MDM1: variants seen among roughly 807,000 people sequenced by gnomAD.
The protein encoded by MDM1 is Mdm1 nuclear protein.
MDM1 carries 61 observed loss-of-function variants against 89.1 expected under a neutral mutation model. That is an observed-to-expected ratio of 0.68 (90% CI 0.56 to 0.85). The LOEUF (loss-of-function observed/expected upper bound fraction) is 0.85, where lower values mean the gene tolerates loss of function less well. Ranked by LOEUF, MDM1 falls within the 40% of genes least tolerant of loss-of-function variation. MDM1 has a pLI of 0.00. For missense variants in MDM1, 820 were observed against 846.5 expected, an observed-to-expected ratio of 0.97 and a Z score of 0.39; for synonymous variants, 290 against 294.1, an observed-to-expected ratio of 0.99 and a Z score of 0.14.
chr12:68,302,823 T>C lies in MDM1; in HGVS notation c.1799A>G (p.Lys600Arg). 6.2e-7 allele frequency: 1 copy of C among 1,613,318 alleles called. No individual in the cohort carries two copies. Among genetic ancestry groups the C allele is most frequent in the East Asian group, 2.2e-5 (1 of 44,878 alleles). Residue 600 changes from lysine to arginine, a missense_variant, in exon 13 of 15, where the codon AAA becomes AGA. By Grantham distance (26) the Lys-to-Arg change is conservative. Transcript: ENST00000682720. The stretch of plus-strand genomic sequence containing the variant: ...CCGCAAAGGCAGAGGATCAACTGTT[T>C]TTATACCAGCAGCTGGAGAAGTCAG... ...SLLTSPAAGI[K>R]TVDPLPLRED...
intron 12 of MDM1, among the ~76,000 whole-genome samples, chr12:68,305,417 C>T (rs1872741035): frequency 6.6e-6 from 1 of 151,930 alleles, no homozygotes; most frequent in South Asian, 2.1e-4. Context: ...CCAGAGCAAT[C>T]GGGCAAGAAA....
intron 13 of MDM1, among the ~76,000 whole-genome samples, chr12:68,300,039 C>T (rs895337134): frequency 3.9e-5 from 6 of 152,170 alleles, no homozygotes; most frequent in Non-Finnish European, 8.8e-5. Flanking sequence ...TCTTTAGCCT[C>T]CTTAAACAGA....
intron 12 of MDM1, among the ~76,000 whole-genome samples, chr12:68,307,856 T>C (rs1395905453): frequency 6.7e-6 from 1 of 150,140 alleles, no homozygotes; most frequent in African/African-American, 2.5e-5. Context: ...GAGAACTGCT[T>C]GAGCCTGGAA....
At chr12:68,313,824 A>G in intron 10 of MDM1, 71 bp from the exon 11 acceptor site, 2 of 1,297,514 alleles carry the variant, frequency 1.5e-6, no homozygotes, top group Non-Finnish European at 2.2e-6. Flanking sequence ...ATACTTTGCC[A>G]TCATTGTGCA....
intron 4 of MDM1, among the ~76,000 whole-genome samples, chr12:68,324,520 T>A (rs1020696617): frequency 4.6e-5 from 7 of 152,166 alleles, no homozygotes; most frequent in African/African-American, 1.7e-4. Flanking sequence ...ATTTATAGGA[T>A]CACTGGTGTT....
chr12:68,326,981 G>C lies in MDM1; in HGVS notation c.174C>G (p.Val58=). 1 of 1,605,694 alleles carries C rather than the reference G, an allele frequency of 6.2e-7. No homozygotes were observed. The highest frequency in any genetic ancestry group is 8.5e-7 in the Non-Finnish European group (1 of 1,177,434). ...KEPSFISKRR[V]PYHDPQISKS... is the part of the protein sequence containing the mutation. ...TTGAAATCTGTGGGTCATGGTAAGG[G>C]ACTCTTCTTTTTGAAATAAAACTTG... The change falls in exon 3 of 15, where the codon GTC becomes GTG. Residue 58 remains valine, a synonymous_variant. Coordinates refer to ENST00000682720, the MANE Select transcript of MDM1 (RefSeq NM_001354969.2).
At chr12:68,326,181 C>CTTAT (rs1481297876) in intron 3 of MDM1, 1 of 1,056,506 alleles carries the variant, frequency 9.5e-7, no homozygotes, top group African/African-American at 1.7e-5. Flanking sequence ...CCAGCTGTGA[C>CTTAT]ATAAGAGAGC....
chr12:68,315,975 A>T, intron 9 of MDM1, 103 bp downstream of exon 9: 1 of 896,050 alleles, frequency 1.1e-6, no homozygotes, highest in Admixed American at 3.4e-5. Context: ...ATTCCATTCG[A>T]CTAGGAGACA....
intron 7 of MDM1, among the ~76,000 whole-genome samples, chr12:68,319,459 T>A (rs1419549692): frequency 6.6e-6 from 1 of 152,214 alleles, no homozygotes; most frequent in South Asian, 2.1e-4. Context: ...TCTGAGTGCA[T>A]GTGAGGAGTG....
intron 4 of MDM1, chr12:68,324,943 A>G: frequency 1.1e-6 from 1 of 903,760 alleles, no homozygotes; most frequent in Non-Finnish European, 1.3e-6. Flanking sequence ...TTACAAATAT[A>G]GTTATACTGA....
chr12:68,302,249 A>G (rs1872265501), intron 13 of MDM1, among the ~76,000 whole-genome samples: 1 of 152,194 alleles, frequency 6.6e-6, no homozygotes, highest in Non-Finnish European at 1.5e-5. Context: ...AGCAATGCCT[A>G]CTAACACTAA....
At chr12:68,313,398 T>C (rs951210887) in intron 12 of MDM1, 45 bp downstream of exon 12, 2 of 1,298,616 alleles carry the variant, frequency 1.5e-6, no homozygotes, top group Admixed American at 3.5e-5. Flanking sequence ...GTGTCTACAA[T>C]AATTAGTCCT....
At position 68,306,773 on chromosome 12, in the gene MDM1, T is replaced by C. The variant is rs140487717; in HGVS notation, c.1750-3901A>G. Among the ~76,000 whole-genome samples the C allele has an allele frequency of 3.2e-3, 481 of 152,098 alleles. 1 individual carries two copies. The highest frequency in any genetic ancestry group is 5.1e-3 in the Non-Finnish European group (343 of 67,890). Reference sequence around the variant, plus strand: ...GCAGAGAAAAGGAAACGCAACCCCTTTGGAAAGCAATATGAAAATTTCTCA... The same window carrying C: ...GCAGAGAAAAGGAAACGCAACCCCTCTGGAAAGCAATATGAAAATTTCTCA... On this transcript the variant is annotated intron_variant, in intron 12 of 14. Coordinates refer to ENST00000682720, the MANE Select transcript of MDM1 (RefSeq NM_001354969.2).
In MDM1 at chr12:68,313,640, T is replaced by C. The variant is rs1308146863; in HGVS notation, c.1639+4A>G. On this transcript the variant is annotated splice_donor_region_variant and intron_variant, in intron 11 of 14. Coordinates refer to ENST00000682720, the MANE Select transcript of MDM1 (RefSeq NM_001354969.2). ...ATAAGAACTGCACGGTGTTTGCCGATTACCAACAGCTGGAGTAGTGAGATC... is the reference window on the plus strand; with the variant it reads ...ATAAGAACTGCACGGTGTTTGCCGACTACCAACAGCTGGAGTAGTGAGATC... The C allele has an allele frequency of 1.2e-6, 2 of 1,613,226 alleles. No homozygotes were observed. The highest frequency in any genetic ancestry group is 1.7e-6 in the Non-Finnish European group (2 of 1,179,216).
In MDM1 at chr12:68,328,066, A is replaced by G. The variant is rs144422346; in HGVS notation, c.134-1045T>C. 1.6e-3 allele frequency among the ~76,000 whole-genome samples: 248 copies of G among 152,306 alleles called. 1 individual carries two copies. The highest frequency in any genetic ancestry group is 5.4e-3 in the African/African-American group (225 of 41,566). On this transcript the variant is annotated intron_variant, in intron 2 of 14. Transcript: ENST00000682720. ...CTTTTTCCCACTTTAGAGAAGAAAG[A>G]CACACCTCTTAACCAGCCTGAAACT...
intron 12 of MDM1, among the ~76,000 whole-genome samples, chr12:68,304,926 A>T (rs993360083): frequency 1.3e-5 from 2 of 152,190 alleles, no homozygotes; most frequent in Admixed American, 6.5e-5. Flanking sequence ...ACCCCACTTG[A>T]TTATAATGAA....
Position 68,332,268 on chromosome 12 carries a change from G to A in MDM1, c.-23C>T, listed in dbSNP as rs774287720. ...CATGTCGCCCGGCGCCGGAGCCCCC[G>A]CTACTCCGACAGTTAACTGGAGAAA... On this transcript the variant is annotated 5_prime_UTR_variant, in exon 1 of 15. Coordinates refer to ENST00000682720, the MANE Select transcript of MDM1 (RefSeq NM_001354969.2). 38 of 1,581,848 alleles carry A rather than the reference G, an allele frequency of 2.4e-5. No homozygotes were observed. The highest frequency in any genetic ancestry group is 2.1e-5 in the Non-Finnish European group (25 of 1,164,890).
intron 12 of MDM1, among the ~76,000 whole-genome samples, chr12:68,312,466 T>G (rs1592966366): frequency 6.6e-6 from 1 of 152,158 alleles, no homozygotes; most frequent in African/African-American, 2.4e-5. Context: ...GTATCCAGAA[T>G]TGAACTTTAT....
At position 68,315,254 on chromosome 12, in the gene MDM1, C is replaced by G; in HGVS notation, c.1223G>C (p.Ser408Thr). 6.2e-7 allele frequency: 1 copy of G among 1,611,188 alleles called. No individual in the cohort carries two copies. The highest frequency in any genetic ancestry group is 8.5e-7 in the Non-Finnish European group (1 of 1,178,072). ...RALDLAGDPT[S>T]HKTLQKCPST... ...AGGACATTTCTGCAAAGTCTTATGGCTTGTAGGATCTCTGCGTAACAAAAT... is the reference window on the plus strand; with the variant it reads ...AGGACATTTCTGCAAAGTCTTATGGGTTGTAGGATCTCTGCGTAACAAAAT... Residue 408 changes from serine to threonine, a missense_variant, in exon 10 of 15, where the codon AGC becomes ACC. Coordinates refer to ENST00000682720, the MANE Select transcript of MDM1 (RefSeq NM_001354969.2).
Sources: allele counts gnomAD v4.1 joint callset (sites outside exome capture counted in the v4.1 genomes callset), GRCh38; gene constraint gnomAD v4.1.1; transcripts MANE v1.5; gene names NCBI Gene and HGNC (gene_info 2026-07-23, HGNC 2026-07-21).